LRRC36: variants seen among roughly 807,000 people sequenced by gnomAD.
LRRC36 encodes leucine rich repeat containing 36, also known as leucine-rich repeat-containing protein 36.
A neutral mutation model predicts 81.1 loss-of-function variants in LRRC36; 62 were observed. That is an observed-to-expected ratio of 0.76 (90% CI 0.62 to 0.94). The LOEUF is 0.94. Ranked by LOEUF, LRRC36 falls within the 40% of genes least tolerant of loss-of-function variation. LRRC36 has a pLI of 0.00. For synonymous variants in LRRC36, 334 were observed against 348.6 expected (o/e 0.96, Z 0.47); for missense variants, 761 against 881.7 (o/e 0.86, Z 1.73).
At chr16:67,348,143 T>C (rs1043938673) in intron 4 of LRRC36, among the ~76,000 whole-genome samples, 1 of 152,206 alleles carries the variant, frequency 6.6e-6, no homozygotes, top group Non-Finnish European at 1.5e-5. Context: ...TTTTAAAAAG[T>C]AGTTTTATTA....
chr16:67,381,919 C>T (rs1174514620), intron 12 of LRRC36, among the ~76,000 whole-genome samples: 3 of 152,100 alleles, frequency 2.0e-5, no homozygotes, highest in African/African-American at 4.8e-5. Flanking sequence ...GCCTGGCCCA[C>T]GTGCAATATT....
intron 5 of LRRC36, among the ~76,000 whole-genome samples, chr16:67,352,586 C>G (rs1237731972): frequency 6.6e-6 from 1 of 151,960 alleles, no homozygotes; most frequent in African/African-American, 2.4e-5. Flanking sequence ...TGTTTTTTCT[C>G]TTTGCCCCTA....
At chr16:67,364,316 T>C (rs570213535) in intron 6 of LRRC36, among the ~76,000 whole-genome samples, 5 of 152,346 alleles carry the variant, frequency 3.3e-5, no homozygotes, top group African/African-American at 9.6e-5. Flanking sequence ...TGTGAGTGAA[T>C]ATGATACAAG....
At chr16:67,377,252 A>G (rs1360602596) in intron 11 of LRRC36, among the ~76,000 whole-genome samples, 1 of 152,226 alleles carries the variant, frequency 6.6e-6, no homozygotes, top group African/African-American at 2.4e-5. Context: ...GCTAAGGGCC[A>G]TTCTAGAGCA....
intron 12 of LRRC36, 62 bp from the exon 13 acceptor site, chr16:67,382,071 A>G: frequency 8.8e-7 from 1 of 1,141,206 alleles, no homozygotes; most frequent in Middle Eastern, 2.0e-4. Flanking sequence ...GAATACTTAT[A>G]TTCTGCTCAA....
At position 67,331,069 on chromosome 16, in the gene LRRC36, A is replaced by AAGAGAGAGAGAG. The variant is rs71145966; in HGVS notation, c.70+4171_70+4182dup. On this transcript the variant is annotated intron_variant, in intron 1 of 13. Coordinates refer to ENST00000329956, the MANE Select transcript of LRRC36 (RefSeq NM_018296.6). ...GTGCATGTGTGAGATGTGAGAGAGA[A>AAGAGAGAGAGAG]AGAGAGAGAGAGAGAGAGAGAGAGA... is the stretch of plus-strand genomic sequence containing the variant. Among the ~76,000 whole-genome samples the AAGAGAGAGAGAG allele has an allele frequency of 4.8e-3, 570 of 118,608 alleles. 14 individuals carry two copies. The highest frequency in any genetic ancestry group is 0.019 in the African/African-American group (524 of 27,944). 77.8% of individuals were successfully genotyped at this position (118,608 alleles called of 152,430 possible). A position where few individuals can be genotyped will look rare whatever the true frequency, so the allele number is the denominator to read the frequency against.
intron 8 of LRRC36, among the ~76,000 whole-genome samples, chr16:67,370,558 A>G (rs1206866158): frequency 2.0e-5 from 3 of 150,768 alleles, no homozygotes; most frequent in African/African-American, 7.3e-5. Context: ...TCTTGAACTC[A>G]GGAGGCAGAG....
At chr16:67,382,304 C>A in intron 13 of LRRC36, 57 bp downstream of exon 13, 1 of 1,254,696 alleles carries the variant, frequency 8.0e-7, no homozygotes, top group South Asian at 1.3e-5. Flanking sequence ...CCTTTTATCT[C>A]CTTTGTTTTG....
chr16:67,371,239 C>T lies in LRRC36; in HGVS notation c.1491C>T (p.Ser497=), dbSNP rs755904353. Residue 497 remains serine, a synonymous_variant, in exon 9 of 14, where the codon AGC becomes AGT. Transcript: ENST00000329956. ...ATGGTTTCCAAGATGCTACAGGCAG[C>T]GAGGCAAGTGTTGGCTTGTTTGTGT... is the stretch of plus-strand genomic sequence containing the variant. ...LKHGFQDATG[S]EPLSSDLGSL... is the part of the protein sequence containing the mutation. The T allele has an allele frequency of 8.7e-6, 14 of 1,613,978 alleles. No individual in the cohort carries two copies. In the Admixed American group the frequency reaches 1.3e-4, roughly 15 times the overall value.
At chr16:67,377,691 A>G (rs1260173594) in intron 11 of LRRC36, among the ~76,000 whole-genome samples, 5 of 143,776 alleles carry the variant, frequency 3.5e-5, no homozygotes, top group Non-Finnish European at 7.5e-5. Context: ...CTGAAGTGCA[A>G]TGGTGCGATC....
intron 12 of LRRC36, among the ~76,000 whole-genome samples, chr16:67,381,897 G>A (rs1462263642): frequency 2.6e-5 from 4 of 152,170 alleles, no homozygotes; most frequent in Admixed American, 1.3e-4. Flanking sequence ...GATTACAGGC[G>A]TGAGCCACCG....
intron 12 of LRRC36, among the ~76,000 whole-genome samples, chr16:67,379,180 T>C (rs2040022117): frequency 6.6e-6 from 1 of 152,160 alleles, no homozygotes; most frequent in Non-Finnish European, 1.5e-5. Context: ...TCCCAGCACT[T>C]TGGGAGGACA....
chr16:67,382,013 G>T, intron 12 of LRRC36, 120 bp from the exon 13 acceptor site: 1 of 659,684 alleles, frequency 1.5e-6, no homozygotes, highest in Non-Finnish European at 2.8e-6. Context: ...AGGCAATGGA[G>T]TGTGAAGTTG....
intron 5 of LRRC36, among the ~76,000 whole-genome samples, chr16:67,355,532 G>T (rs1244615768): frequency 1.3e-5 from 2 of 150,988 alleles, no homozygotes; most frequent in Non-Finnish European, 3.0e-5. Context: ...CCGCCACTAC[G>T]CCCGGCTAAT....
At chr16:67,355,782 C>T (rs1411632854) in intron 5 of LRRC36, among the ~76,000 whole-genome samples, 1 of 152,172 alleles carries the variant, frequency 6.6e-6, no homozygotes, top group Non-Finnish European at 1.5e-5. Context: ...ACTGATGTGG[C>T]TGGTGACATG....
Position 67,371,005 on chromosome 16 carries a change from A to AT in LRRC36, c.1259dup (p.Leu420PhefsTer7), listed in dbSNP as rs1368180529. The AT allele has an allele frequency of 6.2e-7, 1 of 1,614,098 alleles. No individual in the cohort carries two copies. Among genetic ancestry groups the AT allele is most frequent in the South Asian group, 1.1e-5 (1 of 91,076 alleles). On this transcript the variant is annotated frameshift_variant, in exon 9 of 14. Coordinates refer to ENST00000329956, the MANE Select transcript of LRRC36 (RefSeq NM_018296.6). LOFTEE classifies it high-confidence loss of function. ...CTGTACTTGTCAATGTAGAGCAACA[A>AT]TTATCTACCAGCCTGGATGATTTAA...
At chr16:67,351,034 A>T (rs2038606644) in intron 5 of LRRC36, among the ~76,000 whole-genome samples, 1 of 152,202 alleles carries the variant, frequency 6.6e-6, no homozygotes, top group African/African-American at 2.4e-5. Flanking sequence ...GTGAAACTCC[A>T]TCTTAAAAAA....
At chr16:67,381,199 G>C (rs1217655842) in intron 12 of LRRC36, among the ~76,000 whole-genome samples, 1 of 134,590 alleles carries the variant, frequency 7.4e-6, no homozygotes, top group Non-Finnish European at 1.5e-5. Flanking sequence ...ACTTCAGCCA[G>C]CCTGGGCAAC....
chr16:67,347,353 G>C, intron 3 of LRRC36, 142 bp from the exon 4 acceptor site: 1 of 1,453,178 alleles, frequency 6.9e-7, no homozygotes, highest in South Asian at 1.3e-5. Context: ...CAACATAATA[G>C]CATTATTTTG....
Sources: allele counts gnomAD v4.1 joint callset (sites outside exome capture counted in the v4.1 genomes callset), GRCh38; gene constraint gnomAD v4.1.1; transcripts MANE v1.5; gene names NCBI Gene and HGNC (gene_info 2026-07-23, HGNC 2026-07-21).